Variants in SLX4IP observed in about 807,000 individuals in gnomAD.
SLX4IP encodes SLX4 interacting protein.
SLX4IP carries 34 observed loss-of-function variants against 32.9 expected under a neutral mutation model. That is an observed-to-expected ratio of 1.03 (90% confidence interval 0.79 to 1.38). SLX4IP has a LOEUF of 1.38. Ranked by LOEUF, SLX4IP falls within the 40% of genes most tolerant of loss-of-function variation. The probability of loss-of-function intolerance (pLI) is 0.00; values close to 1 mark genes in which losing one functional copy is unlikely to be tolerated. For missense variants in SLX4IP, 444 were observed against 479.0 expected (o/e 0.93, Z 0.68); for synonymous variants, 172 against 171.7 (o/e 1.00, Z -0.01).
At chr20:10,621,209 C>G in intron 6 of SLX4IP, 105 bp from the exon 7 acceptor site, 3 of 1,029,516 alleles carry the variant, frequency 2.9e-6, no homozygotes, top group Non-Finnish European at 4.5e-6. Context: ...TTCATTCAGT[C>G]TTTACAAAAA....
chr20:10,603,403 A>G (rs2066866816), intron 6 of SLX4IP, among the ~76,000 whole-genome samples: 1 of 152,220 alleles, frequency 6.6e-6, no homozygotes, highest in East Asian at 1.9e-4. Flanking sequence ...AGGACTTCCT[A>G]AACATTGAGA....
chr20:10,602,230 G>C (rs1362343415), intron 6 of SLX4IP, among the ~76,000 whole-genome samples: 1 of 152,112 alleles, frequency 6.6e-6, no homozygotes, highest in African/African-American at 2.4e-5. Flanking sequence ...ATTTTCATGA[G>C]AACCAGTACT....
intron 2 of SLX4IP, among the ~76,000 whole-genome samples, chr20:10,474,235 T>A (rs1300641448): frequency 6.6e-6 from 1 of 152,192 alleles, no homozygotes. Context: ...TGAGTTCTGA[T>A]TAGTTCTTTT....
chr20:10,548,655 C>T (rs906204701), intron 2 of SLX4IP, among the ~76,000 whole-genome samples: 2 of 152,202 alleles, frequency 1.3e-5, no homozygotes, highest in Admixed American at 1.3e-4. Context: ...GTTGGCAAGG[C>T]ACCGCACCAA....
chr20:10,444,229 C>T lies in SLX4IP; in HGVS notation c.-30+8776C>T, dbSNP rs898438782. Among the ~76,000 whole-genome samples the T allele has an allele frequency of 6.5e-5, 4 of 62,012 alleles. No individual in the cohort carries two copies. In the Admixed American group the frequency reaches 7.1e-4, roughly 11 times the overall value. 40.7% of individuals were successfully genotyped at this position (62,012 alleles called of 152,430 possible). A position where few individuals can be genotyped will look rare whatever the true frequency, so the allele number is the denominator to read the frequency against. On this transcript the variant is annotated intron_variant, in intron 1 of 7. Coordinates refer to ENST00000334534, the MANE Select transcript of SLX4IP (RefSeq NM_001009608.3). Reference sequence around the variant, plus strand: ...TGTAGGGGTCTGGAGCTGCTGGCATCACCATGTGTTTTAGTCTGCCTGTGC... The same window carrying T: ...TGTAGGGGTCTGGAGCTGCTGGCATTACCATGTGTTTTAGTCTGCCTGTGC...
intron 4 of SLX4IP, among the ~76,000 whole-genome samples, chr20:10,593,084 T>C (rs1336152833): frequency 6.6e-6 from 1 of 152,170 alleles, no homozygotes; most frequent in Non-Finnish European, 1.5e-5. Flanking sequence ...CTGGAAACAG[T>C]CACATGTCTG....
At chr20:10,610,441 G>A (rs2066952818) in intron 6 of SLX4IP, among the ~76,000 whole-genome samples, 1 of 152,262 alleles carries the variant, frequency 6.6e-6, no homozygotes, top group Non-Finnish European at 1.5e-5. Flanking sequence ...AGGCAGAGAA[G>A]TGAAGTCCTC....
chr20:10,522,508 T>C (rs980259636), intron 2 of SLX4IP, among the ~76,000 whole-genome samples: 5 of 152,246 alleles, frequency 3.3e-5, no homozygotes, highest in African/African-American at 9.6e-5. Context: ...AAGAGAAGCA[T>C]TTAGGAGGGA....
At chr20:10,616,301 G>A (rs986993143) in intron 6 of SLX4IP, among the ~76,000 whole-genome samples, 22 of 151,356 alleles carry the variant, frequency 1.5e-4, no homozygotes, top group African/African-American at 5.3e-4. Context: ...CATTGCCGAG[G>A]CCTCATCACT....
Position 10,593,950 on chromosome 20 carries a change from T to A in SLX4IP, c.239-4725T>A, listed in dbSNP as rs775661424. ...ACACATTTTGGGACAATGGAGAAAT[T>A]TGAATATAGGCTGATTATTTGATCG... is the stretch of plus-strand genomic sequence containing the variant. On this transcript the variant is annotated intron_variant, in intron 4 of 7. Coordinates refer to ENST00000334534, the MANE Select transcript of SLX4IP (RefSeq NM_001009608.3). 7.2e-5 allele frequency among the ~76,000 whole-genome samples: 11 copies of A among 152,126 alleles called. 1 individual carries two copies. Among genetic ancestry groups the A allele is most frequent in the Non-Finnish European group, 2.9e-5 (2 of 68,018 alleles).
chr20:10,594,963 A>T (rs867089784), intron 4 of SLX4IP, among the ~76,000 whole-genome samples: 2 of 152,130 alleles, frequency 1.3e-5, no homozygotes, highest in East Asian at 3.9e-4. Flanking sequence ...GAAGAAAGTT[A>T]GTGTGGTAAC....
intron 4 of SLX4IP, among the ~76,000 whole-genome samples, chr20:10,575,548 C>T (rs1458769233): frequency 6.6e-6 from 1 of 151,838 alleles, no homozygotes; most frequent in Non-Finnish European, 1.5e-5. Flanking sequence ...CCCTACCCCC[C>T]ACCCCCAATA....
chr20:10,602,537 G>C (rs1008934173), intron 6 of SLX4IP, among the ~76,000 whole-genome samples: 3 of 152,128 alleles, frequency 2.0e-5, no homozygotes, highest in African/African-American at 4.8e-5. Flanking sequence ...AGTCCAGTCT[G>C]CCTGACTTCT....
chr20:10,602,308 G>C (rs200151496), intron 6 of SLX4IP, among the ~76,000 whole-genome samples: 5 of 148,126 alleles, frequency 3.4e-5, no homozygotes, highest in East Asian at 2.0e-4. Flanking sequence ...CTCTCTCTCT[G>C]TCTCTCTGTC....
In SLX4IP at chr20:10,532,818, C is replaced by G. The variant is rs777023140; in HGVS notation, c.28-23413C>G. 2.0e-5 allele frequency among the ~76,000 whole-genome samples: 3 copies of G among 151,808 alleles called. No homozygotes were observed. In the South Asian group the frequency reaches 6.2e-4, roughly 32 times the overall value. On this transcript the variant is annotated intron_variant, in intron 2 of 7. Transcript: ENST00000334534. ...TGAAATAGAGTCTCACTCTGTCACC[C>G]GGGCTGGAGTGCAGTAGCGTGATCT...
At chr20:10,475,883 T>G (rs867019169) in intron 2 of SLX4IP, among the ~76,000 whole-genome samples, 1 of 152,226 alleles carries the variant, frequency 6.6e-6, no homozygotes, top group Non-Finnish European at 1.5e-5. Flanking sequence ...ACTTTACAAT[T>G]TAGAGACTTT....
intron 6 of SLX4IP, among the ~76,000 whole-genome samples, chr20:10,602,873 G>T (rs1161118788): frequency 3.3e-5 from 5 of 152,186 alleles, no homozygotes; most frequent in Non-Finnish European, 2.9e-5. Context: ...AAAGAGCAGA[G>T]AACTTATATT....
chr20:10,546,273 C>A (rs1050867053), intron 2 of SLX4IP, among the ~76,000 whole-genome samples: 9 of 152,318 alleles, frequency 5.9e-5, no homozygotes, highest in Non-Finnish European at 1.2e-4. Flanking sequence ...GTTGTCTTTT[C>A]ATTTCATGTG....
rs937828805 is a variant in SLX4IP at position 10,624,548 on chromosome 20, C to A, written c.*1169C>A. 6.6e-6 allele frequency: 1 copy of A among 151,952 alleles called. No homozygotes were observed. The highest frequency in any genetic ancestry group is 1.5e-5 in the Non-Finnish European group (1 of 67,990). 9.4% of individuals were successfully genotyped at this position (151,952 alleles called of 1,614,324 possible). ...AAAGAAACAATATTCAAGGTCCATT[C>A]ATTCAATACATCTTTTTTTTTTTTC... is the stretch of plus-strand genomic sequence containing the variant. On this transcript the variant is annotated 3_prime_UTR_variant, in exon 8 of 8. Transcript: ENST00000334534.
Sources: gnomAD v4.1 joint callset for allele counts (sites outside exome capture counted in the v4.1 genomes callset) on GRCh38, gnomAD v4.1.1 for gene constraint, MANE v1.5 for transcripts, NCBI Gene and HGNC (gene_info 2026-07-23, HGNC 2026-07-21) for gene names.